The following SLC5A9 variants were observed in gnomAD, a reference collection of about 807,000 sequenced individuals.
The protein encoded by SLC5A9 is sodium/glucose cotransporter 4.
A neutral mutation model predicts 70.9 loss-of-function variants in SLC5A9; 59 were observed. The ratio of observed to expected loss-of-function variants is 0.83; its 90% confidence interval spans 0.68 to 1.03. The LOEUF (loss-of-function observed/expected upper bound fraction) is 1.03. SLC5A9 is among the 50% of genes least tolerant of loss of function. SLC5A9 has a pLI of 0.00. For missense variants in SLC5A9, 832 were observed against 881.1 expected, an observed-to-expected ratio of 0.94 and a Z score of 0.71; for synonymous variants, 340 against 346.5, an observed-to-expected ratio of 0.98 and a Z score of 0.21.
Position 48,237,811 on chromosome 1 carries a change from C to T in SLC5A9, c.1425C>T (p.Phe475=). The change falls in exon 11 of 14, where the codon TTC becomes TTT. Residue 475 remains phenylalanine, a synonymous_variant. Coordinates refer to ENST00000438567, the MANE Select transcript of SLC5A9 (RefSeq NM_001011547.3). ...TGGCCCCACCCATCACCGCTCTCTT[C>T]CTGCTGGCCATCTTCTGCAAGAGGG... ...SYLAPPITAL[F]LLAIFCKRVT... 1 of 1,614,154 alleles carries T rather than the reference C, an allele frequency of 6.2e-7. No homozygotes were observed. Among genetic ancestry groups the T allele is most frequent in the Non-Finnish European group, 8.5e-7 (1 of 1,180,026 alleles).
intron 1 of SLC5A9, among the ~76,000 whole-genome samples, chr1:48,224,115 C>G (rs1644110258): frequency 6.6e-6 from 1 of 152,244 alleles, no homozygotes; most frequent in Non-Finnish European, 1.5e-5. Context: ...TGCCCTCACC[C>G]TGTATCTCCA....
At chr1:48,227,113 ATG>A (rs961967272) in intron 2 of SLC5A9, among the ~76,000 whole-genome samples, 1 of 150,236 alleles carries the variant, frequency 6.7e-6, no homozygotes, top group East Asian at 2.1e-4. Flanking sequence ...GGACATGTGC[ATG>A]TGTGTGAGTG....
chr1:48,241,923 C>T (rs922286059), intron 12 of SLC5A9: 17 of 456,130 alleles, frequency 3.7e-5, no homozygotes, highest in Admixed American at 1.9e-4. Flanking sequence ...CTGATTTCAC[C>T]TCCTTTACCC....
intron 12 of SLC5A9, chr1:48,242,171 C>T: frequency 4.1e-6 from 2 of 484,720 alleles, no homozygotes; most frequent in Non-Finnish European, 7.7e-6. Context: ...GCCTCATTTG[C>T]CTCAGTCTGT....
rs767833098 is a variant in SLC5A9, at chr1:48,231,636, G to T, written c.691+11G>T. 6.2e-7 allele frequency: 1 copy of T among 1,614,008 alleles called. No individual in the cohort carries two copies. The highest frequency in any genetic ancestry group is 1.1e-5 in the South Asian group (1 of 91,044). ...TCCTCATGTTTCTGGGTAAGGAAGA[G>T]ACCTAAATATACCCCACTGTCATTC... On this transcript the variant is annotated intron_variant, in intron 6 of 13. Transcript: ENST00000438567.
chr1:48,227,308 GTGCC>G (rs1243333333), intron 2 of SLC5A9, among the ~76,000 whole-genome samples: 3 of 148,798 alleles, frequency 2.0e-5, no homozygotes, highest in African/African-American at 7.4e-5. Flanking sequence ...TGTGTGTACT[GTGCC>G]TGTGTGGGCG....
rs544454440 is a variant in SLC5A9, at chr1:48,224,456, G to A, written c.163-268G>A. Among the ~76,000 whole-genome samples, 4 of 152,296 alleles carry A rather than the reference G, an allele frequency of 2.6e-5. No individual in the cohort carries two copies. In the South Asian group the frequency reaches 8.3e-4, roughly 32 times the overall value. On this transcript the variant is annotated intron_variant, in intron 1 of 13. Coordinates refer to ENST00000438567, the MANE Select transcript of SLC5A9 (RefSeq NM_001011547.3). Reference sequence around the variant, plus strand: ...AAGGGGACAAGAGTGCACAATCAATGGCTTCACACACGTGACATCCGTTAC... The same window carrying A: ...AAGGGGACAAGAGTGCACAATCAATAGCTTCACACACGTGACATCCGTTAC...
chr1:48,225,958 C>G (rs550206416), intron 2 of SLC5A9, among the ~76,000 whole-genome samples: 19 of 152,286 alleles, frequency 1.2e-4, no homozygotes, highest in African/African-American at 4.6e-4. Context: ...CTTCCCCACT[C>G]TCTAGTGGTC....
At chr1:48,229,594 A>G in intron 4 of SLC5A9, 135 bp downstream of exon 4, 1 of 1,411,876 alleles carries the variant, frequency 7.1e-7, no homozygotes, top group Non-Finnish European at 9.5e-7. Context: ...ACCTATAAAC[A>G]TTTAATGCAT....
intron 13 of SLC5A9, among the ~76,000 whole-genome samples, chr1:48,244,331 C>G (rs1644425040): frequency 6.6e-6 from 1 of 152,160 alleles, no homozygotes; most frequent in South Asian, 2.1e-4. Flanking sequence ...TGCCATGCCA[C>G]TCAGTTCTCG....
intron 1 of SLC5A9, among the ~76,000 whole-genome samples, chr1:48,223,925 G>A (rs1310235571): frequency 2.0e-5 from 3 of 152,134 alleles, no homozygotes; most frequent in African/African-American, 7.2e-5. Flanking sequence ...TGCTCGTATG[G>A]CCTCCAAGAG....
At chr1:48,240,432 AC>A (rs1219962909) in intron 12 of SLC5A9, 2 of 152,192 alleles carry the variant, frequency 1.3e-5, no homozygotes, top group African/African-American at 4.8e-5. Context: ...TTTTGGGAGG[AC>A]ACAATTCAGC....
At chr1:48,232,686 A>T (rs1008104975) in intron 8 of SLC5A9, among the ~76,000 whole-genome samples, 184 bp downstream of exon 8, 1 of 152,016 alleles carries the variant, frequency 6.6e-6, no homozygotes, top group Non-Finnish European at 1.5e-5. Flanking sequence ...AAGGCTGAGG[A>T]TCCTGAGTCC....
chr1:48,238,158 T>C (rs1157024224), intron 11 of SLC5A9, among the ~76,000 whole-genome samples: 1 of 152,148 alleles, frequency 6.6e-6, no homozygotes, highest in Non-Finnish European at 1.5e-5. Flanking sequence ...CACAAGCACC[T>C]AACCTATGGG....
At chr1:48,244,904 A>ATATATATATATATATATATG (rs1557486509) in intron 13 of SLC5A9, among the ~76,000 whole-genome samples, 2 of 112,840 alleles carry the variant, frequency 1.8e-5, no homozygotes, top group Admixed American at 2.3e-4. Context: ...ATATATATAT[A>ATATATATATATATATATATG]TATATAAAAC....
chr1:48,247,250 C>T lies in SLC5A9; in HGVS notation c.1838-85C>T, dbSNP rs1046025859. The T allele has an allele frequency of 1.3e-5, 16 of 1,255,928 alleles. No individual in the cohort carries two copies. In the African/African-American group the frequency reaches 2.2e-4, roughly 17 times the overall value. 77.8% of individuals were successfully genotyped at this position (1,255,928 alleles called of 1,614,324 possible). A position where few individuals can be genotyped will look rare whatever the true frequency, so the allele number is the denominator to read the frequency against. On this transcript the variant is annotated intron_variant, in intron 13 of 13. Transcript: ENST00000438567. ...AGTATCTCACCATCTCTCTCCCTCC[C>T]CTACTCTCCTATCACTTTCCTTTCT...
chr1:48,228,369 C>T lies in SLC5A9; in HGVS notation c.235-481C>T, dbSNP rs115458066. ...TCTACTGCCTCCAAGTGCTTGGCTG[C>T]GCCCCTGGAGAACTAACTCAGAGGT... On this transcript the variant is annotated intron_variant, in intron 2 of 13. Transcript: ENST00000438567. 1.3e-3 allele frequency: 211 copies of T among 164,138 alleles called. 1 individual carries two copies. The highest frequency in any genetic ancestry group is 2.4e-3 in the Non-Finnish European group (176 of 74,140). The allele number at this position is 164,138 out of a possible 1,614,324, so 10.2% of individuals were successfully genotyped here.
rs375470650 is a variant in SLC5A9, at chr1:48,223,111, T to C, written c.162+213T>C. On this transcript the variant is annotated intron_variant, in intron 1 of 13. Transcript: ENST00000438567. ...GGCTGGTCTGAGGTCACACAGAGAG[T>C]CAGAGGCAGACCAGGCCCCCGACTC... is the stretch of plus-strand genomic sequence containing the variant. Among the ~76,000 whole-genome samples, 4 of 151,208 alleles carry C rather than the reference T, an allele frequency of 2.6e-5. No individual in the cohort carries two copies. The East Asian group carries it at 7.8e-4, about 29-fold the overall frequency.
At chr1:48,236,092 G>A (rs2148580088) in intron 10 of SLC5A9, among the ~76,000 whole-genome samples, 1 of 152,226 alleles carries the variant, frequency 6.6e-6, no homozygotes, top group Non-Finnish European at 1.5e-5. Flanking sequence ...CCTCTTCCCT[G>A]GTAACTTTAT....
Sources: allele counts gnomAD v4.1 joint callset (sites outside exome capture counted in the v4.1 genomes callset), GRCh38; gene constraint gnomAD v4.1.1; transcripts MANE v1.5; gene names NCBI Gene and HGNC (gene_info 2026-07-23, HGNC 2026-07-21).